Variants in SRSF4 observed in about 807,000 individuals in gnomAD.
The protein encoded by SRSF4 is serine and arginine rich splicing factor 4.
A neutral mutation model predicts 48.8 loss-of-function variants in SRSF4; 12 were observed. The ratio of observed to expected loss-of-function variants is 0.25; its 90% CI spans 0.16 to 0.40. The LOEUF (loss-of-function observed/expected upper bound fraction) is 0.40. Ranked by LOEUF, SRSF4 falls within the 10% of genes least tolerant of loss-of-function variation. The pLI is 1.00. For missense variants in SRSF4, 466 were observed against 667.1 expected, an observed-to-expected ratio of 0.70 and a Z score of 3.32; for synonymous variants, 248 against 232.5, an observed-to-expected ratio of 1.07 and a Z score of -0.61.
At chr1:29,159,308 A>G in intron 3 of SRSF4, 66 bp downstream of exon 3, 3 of 1,118,234 alleles carry the variant, frequency 2.7e-6, no homozygotes, top group South Asian at 1.3e-5. Flanking sequence ...GGCCTGCACA[A>G]ATCTACCTGT....
chr1:29,161,528 C>T (rs113638649), intron 1 of SRSF4, among the ~76,000 whole-genome samples: 1 of 152,350 alleles, frequency 6.6e-6, no homozygotes, highest in African/African-American at 2.4e-5. Flanking sequence ...ACTGACACTA[C>T]AAACAAGTTA....
intron 1 of SRSF4, chr1:29,171,062 C>T (rs1672738412): frequency 6.6e-6 from 1 of 152,162 alleles, no homozygotes; most frequent in African/African-American, 2.4e-5. Flanking sequence ...CTTCAGGGTA[C>T]TATAAGACCA....
At position 29,149,240 on chromosome 1, in the gene SRSF4, G is replaced by A. The variant is rs1672364432; in HGVS notation, c.669-14C>T. The A allele has an allele frequency of 6.2e-7, 1 of 1,602,388 alleles. No homozygotes were observed. Among genetic ancestry groups the A allele is most frequent in the Admixed American group, 1.7e-5 (1 of 59,468 alleles). On this transcript the variant is annotated splice_polypyrimidine_tract_variant and intron_variant, in intron 5 of 5. Transcript: ENST00000373795. ...CGGGAGCCCGACCTGAGGAGACATG[G>A]GATACTGTTTGTGTCACATGTGACT...
chr1:29,168,862 C>T (rs1333560390), intron 1 of SRSF4: 1 of 151,940 alleles, frequency 6.6e-6, no homozygotes, highest in African/African-American at 2.4e-5. Flanking sequence ...GTGACTTGAA[C>T]CAAAAAATAT....
intron 4 of SRSF4, among the ~76,000 whole-genome samples, chr1:29,153,836 G>A (rs1672454637): frequency 6.6e-6 from 1 of 151,948 alleles, no homozygotes; most frequent in Non-Finnish European, 1.5e-5. Context: ...CCTGACCTCA[G>A]GTGATCTGCC....
chr1:29,163,851 G>A (rs974230012), intron 1 of SRSF4, among the ~76,000 whole-genome samples: 1 of 152,184 alleles, frequency 6.6e-6, no homozygotes, highest in African/African-American at 2.4e-5. Flanking sequence ...AGCAAGAACC[G>A]ACCTGGGTTC....
chr1:29,181,274 G>A (rs1283932308), intron 1 of SRSF4, among the ~76,000 whole-genome samples: 1 of 152,212 alleles, frequency 6.6e-6, no homozygotes, highest in Non-Finnish European at 1.5e-5. Context: ...TCCTCAGAGC[G>A]GGAAAGGTTG....
chr1:29,160,581 A>G (rs1173535757), intron 1 of SRSF4, 64 bp from the exon 2 acceptor site: 4 of 1,524,782 alleles, frequency 2.6e-6, no homozygotes, highest in Non-Finnish European at 3.5e-6. Flanking sequence ...CTAACATTAA[A>G]GAGAAAGCAA....
At chr1:29,158,847 C>T (rs746503489) in intron 3 of SRSF4, among the ~76,000 whole-genome samples, 46 of 151,832 alleles carry the variant, frequency 3.0e-4, no homozygotes, top group Non-Finnish European at 5.3e-4. Flanking sequence ...TCAGGCCGGG[C>T]GCGGTGGCTC....
intron 1 of SRSF4, 126 bp downstream of exon 1, chr1:29,181,520 T>G: frequency 1.3e-6 from 1 of 788,240 alleles, no homozygotes; most frequent in Non-Finnish European, 1.9e-6. Context: ...GCCGCCACTA[T>G]GGCGGAGCCT....
chr1:29,162,403 G>A lies in SRSF4; in HGVS notation c.108-1886C>T, dbSNP rs74596174. Among the ~76,000 whole-genome samples, 49 of 152,120 alleles carry A rather than the reference G, an allele frequency of 3.2e-4. 1 individual carries two copies. In the East Asian group the frequency reaches 8.9e-3, roughly 28 times the overall value. On this transcript the variant is annotated intron_variant, in intron 1 of 5. Transcript: ENST00000373795. ...GCTTTTTCCTTTCTTAGATAGAATG[G>A]GTCATTAGGAAAACTATACTATTAT...
intron 1 of SRSF4, among the ~76,000 whole-genome samples, chr1:29,163,443 T>C (rs1024760930): frequency 6.6e-6 from 1 of 152,244 alleles, no homozygotes; most frequent in Admixed American, 6.5e-5. Context: ...AAAACAAACA[T>C]CTTCGCATAC....
rs770452041 is a variant in SRSF4, at chr1:29,149,155, C to T, written c.740G>A (p.Ser247Asn). Residue 247 changes from serine to asparagine, a missense_variant, in exon 6 of 6, where the codon AGC becomes AAC. Around this residue, in one of 2 missense-constraint regions of SRSF4, gnomAD observed 402 missense variants for 437.0 expected, o/e 0.92. Transcript: ENST00000373795. ...GCTCTTTTCCTTGCTGGGGCTCCTG[C>T]TTTTCTCTTTCTTGCTCCGGCTCCG... ...QSRSRSKKEKSRSPSKEKSRS... is the reference protein window; with the variant it reads ...QSRSRSKKEKNRSPSKEKSRS... The T allele has an allele frequency of 1.9e-6, 3 of 1,609,558 alleles. No individual in the cohort carries two copies. The highest frequency in any genetic ancestry group is 2.5e-6 in the Non-Finnish European group (3 of 1,177,256).
At chr1:29,160,255 A>G in intron 2 of SRSF4, 120 bp downstream of exon 2, 1 of 1,200,656 alleles carries the variant, frequency 8.3e-7, no homozygotes, top group Non-Finnish European at 1.1e-6. Context: ...AAAAAGATAC[A>G]TAATTTACAA....
Position 29,160,528 on chromosome 1 carries a change from G to A in SRSF4, c.108-11C>T. ...TCCACAAAACCATATCTAGAAGAGA[G>A]CAAAGAAAATACTGGTTGGTACCAT... On this transcript the variant is annotated splice_polypyrimidine_tract_variant and intron_variant, in intron 1 of 5. Transcript: ENST00000373795. 1 of 1,594,026 alleles carries A rather than the reference G, an allele frequency of 6.3e-7. No homozygotes were observed. The highest frequency in any genetic ancestry group is 8.5e-7 in the Non-Finnish European group (1 of 1,172,058).
intron 1 of SRSF4, among the ~76,000 whole-genome samples, chr1:29,168,046 C>T (rs1048205236): frequency 3.7e-4 from 55 of 148,044 alleles, no homozygotes; most frequent in Non-Finnish European, 6.1e-4. Flanking sequence ...AACATAGTCT[C>T]GCTCTGTCGC....
chr1:29,180,448 C>T (rs1471427094), intron 1 of SRSF4, among the ~76,000 whole-genome samples: 1 of 152,184 alleles, frequency 6.6e-6, no homozygotes, highest in Non-Finnish European at 1.5e-5. Context: ...TTTGAAATGG[C>T]TTTTTAAACC....
At chr1:29,156,136 C>T (rs1262420829) in intron 3 of SRSF4, among the ~76,000 whole-genome samples, 1 of 152,150 alleles carries the variant, frequency 6.6e-6, no homozygotes, top group Admixed American at 6.5e-5. Flanking sequence ...CAGGAGATCA[C>T]CTGAGGTCAG....
At chr1:29,167,395 GT>G (rs1277888641) in intron 1 of SRSF4, among the ~76,000 whole-genome samples, 14 of 151,388 alleles carry the variant, frequency 9.2e-5, no homozygotes, top group Admixed American at 9.2e-4. Flanking sequence ...TTTTGTTTTT[GT>G]TTTTTTGAGA....
Sources: allele counts gnomAD v4.1 joint callset (sites outside exome capture counted in the v4.1 genomes callset), GRCh38; gene constraint gnomAD v4.1.1; regional missense constraint gnomAD v4.1.1; transcripts MANE v1.5; gene names NCBI Gene and HGNC (gene_info 2026-07-23, HGNC 2026-07-21).